RRP8: variants seen among roughly 807,000 people sequenced by gnomAD.
RRP8 encodes the protein ribosomal RNA-processing protein 8.
RRP8 carries 48 observed loss-of-function variants against 45.0 expected under a neutral mutation model. The ratio of observed to expected loss-of-function variants is 1.07; its 90% CI spans 0.85 to 1.36. The LOEUF is 1.36. RRP8 is among the 40% of genes most tolerant of loss of function. The pLI is 0.00. For missense variants in RRP8, 658 were observed against 573.7 expected, an observed-to-expected ratio of 1.15 and a Z score of -1.50; for synonymous variants, 274 against 212.4, an observed-to-expected ratio of 1.29 and a Z score of -2.52.
In RRP8 at chr11:6,600,158, G is replaced by A. The variant is rs764735573; in HGVS notation, c.1359C>T (p.Tyr453=). 1.3e-6 allele frequency: 2 copies of A among 1,593,608 alleles called. No homozygotes were observed. Among genetic ancestry groups the A allele is most frequent in the South Asian group, 2.3e-5 (2 of 88,186 alleles). ...LSGLQLQPCL[Y]KRR The stretch of plus-strand genomic sequence containing the variant: ...GAAGATCCAGAGGTCACCTGCGCTT[G>A]TAGAGACATGGCTGAAGCTGCAGGC... Residue 453 remains tyrosine (Y), a synonymous_variant, in exon 7 of 7, where the codon TAC becomes TAT. Coordinates refer to ENST00000254605, the MANE Select transcript of RRP8 (RefSeq NM_015324.4).
At position 6,597,506 on chromosome 11, in the gene RRP8, CA is replaced by C. The variant is rs1403741520; in HGVS notation, c.*2639del. On this transcript the variant is annotated 3_prime_UTR_variant, in exon 7 of 7. Transcript: ENST00000254605. The stretch of plus-strand genomic sequence containing the variant: ...CAAACAGGCCCTCCACATTACTCAG[CA>C]ATCCTTACCCCACTGCATTCTGAGT... 10 of 150,006 alleles carry C rather than the reference CA, an allele frequency of 6.7e-5. No homozygotes were observed. Among genetic ancestry groups the C allele is most frequent in the Admixed American group, 5.4e-4 (8 of 14,868 alleles). The allele number at this position is 150,006 out of a possible 1,614,324, so 9.3% of individuals were successfully genotyped here.
rs1407210501 is a variant in RRP8, at chr11:6,596,596, G to A, written c.*3550C>T. ...GACCACCAGTAAGGCAGTTACTGCA[G>A]GAGTTGGGTATCCTAAAACCAGATG... On this transcript the variant is annotated 3_prime_UTR_variant, in exon 7 of 7. Transcript: ENST00000254605. 6.6e-6 allele frequency: 1 copy of A among 152,210 alleles called. No individual in the cohort carries two copies. The highest frequency in any genetic ancestry group is 1.5e-5 in the Non-Finnish European group (1 of 68,042). The allele number at this position is 152,210 out of a possible 1,614,324, so 9.4% of individuals were successfully genotyped here.
intron 2 of RRP8, 109 bp from the exon 3 acceptor site, chr11:6,601,711 T>A: frequency 2.0e-6 from 3 of 1,480,670 alleles, no homozygotes; most frequent in Non-Finnish European, 2.7e-6. Context: ...GACTGTGGCC[T>A]GCAGAGAAGT....
At chr11:6,602,313 G>A (rs763235568) in intron 1 of RRP8, 98 bp from the exon 2 acceptor site, 2 of 1,362,322 alleles carry the variant, frequency 1.5e-6, no homozygotes, top group Non-Finnish European at 2.0e-6. Flanking sequence ...ACTGGCAGAA[G>A]CATCTGAATT....
chr11:6,600,904 G>C (rs1274796717), intron 4 of RRP8, 22 bp downstream of exon 4: 1 of 1,614,026 alleles, frequency 6.2e-7, no homozygotes, highest in South Asian at 1.1e-5. Context: ...TAGAGCACAA[G>C]CCAGATAACA....
At chr11:6,600,840 C>G (rs2134498304) in intron 4 of RRP8, 65 bp from the exon 5 acceptor site, 7 of 1,609,856 alleles carry the variant, frequency 4.3e-6, no homozygotes, top group African/African-American at 1.3e-5. Flanking sequence ...CACTGAGATA[C>G]CAGGATGGGA....
rs17834692 is a variant in RRP8, at chr11:6,600,988, G to A, written c.985C>T (p.Pro329Ser). The A allele has an allele frequency of 0.012, 19,491 of 1,614,160 alleles. 391 individuals are homozygous for A. Among genetic ancestry groups the A allele is most frequent in the South Asian group, 0.063 (5,749 of 91,080 alleles). The stretch of plus-strand genomic sequence containing the variant: ...GAAGCCAAGTCAAAGCAATGCACAG[G>A]GTTCCGGATACTTGAAGCCAAGCGG... ...DCRLASSIRN[P>S]VHCFDLASLD... The change falls in exon 4 of 7, where the codon CCT becomes TCT. Residue 329 changes from proline to serine, a missense_variant. Transcript: ENST00000254605.
rs774330329 is a variant in RRP8, at chr11:6,601,235, A to C, written c.831T>G (p.Phe277Leu). The change falls in exon 3 of 7, where the codon TTT (phenylalanine) becomes TTG (leucine). Residue 277 changes from phenylalanine (F) to leucine (L), a missense_variant. Transcript: ENST00000254605. ...TCTGGAAGCCGCGGTGGTAGAGAAG[A>C]AAAGCCTCAGGGTCTTCCTGGAAGA... ...QRLFQEDPEA[F>L]LLYHRGFQSQ... is the part of the protein sequence containing the mutation. 3 of 1,611,654 alleles carry C rather than the reference A, an allele frequency of 1.9e-6. No homozygotes were observed. The highest frequency in any genetic ancestry group is 1.3e-5 in the African/African-American group (1 of 75,022).
Position 6,599,098 on chromosome 11 carries a change from G to A in RRP8, c.*1048C>T, listed in dbSNP as rs952542630. ...CTACCCCTCCAAGGACAGAAGCTCA[G>A]AATCTATTAAAAGTCATTAAATAGC... On this transcript the variant is annotated 3_prime_UTR_variant, in exon 7 of 7. Transcript: ENST00000254605. 1.3e-5 allele frequency: 2 copies of A among 152,240 alleles called. No individual in the cohort carries two copies. The highest frequency in any genetic ancestry group is 2.9e-5 in the Non-Finnish European group (2 of 68,084). 9.4% of individuals were successfully genotyped at this position (152,240 alleles called of 1,614,324 possible). A position where few individuals can be genotyped will look rare whatever the true frequency, so the allele number is the denominator to read the frequency against.
chr11:6,596,556 G>A lies in RRP8; in HGVS notation c.*3590C>T, dbSNP rs948946185. On this transcript the variant is annotated 3_prime_UTR_variant, in exon 7 of 7. Transcript: ENST00000254605. ...GGAAAATTAATTGCTTTAGGGACAC[G>A]AGTAGAAGCAATTAGACCACCAGTA... 7 of 152,194 alleles carry A rather than the reference G, an allele frequency of 4.6e-5. No individual in the cohort carries two copies. Among genetic ancestry groups the A allele is most frequent in the African/African-American group, 1.4e-4 (6 of 41,440 alleles). The allele number at this position is 152,194 out of a possible 1,614,324, so 9.4% of individuals were successfully genotyped here. A position where few individuals can be genotyped will look rare whatever the true frequency, so the allele number is the denominator to read the frequency against.
chr11:6,601,524 T>C lies in RRP8; in HGVS notation c.542A>G (p.His181Arg). The change falls in exon 3 of 7, where the codon CAT becomes CGT. Residue 181 changes from histidine to arginine, a missense_variant. His to Arg is a conservative substitution (Grantham distance 29). Transcript: ENST00000254605. ...CCGCCACTGCTTGCGGCTTAATGTA[T>C]GAGGGGGTTTAGGGGAAGTGGACCC... is the stretch of plus-strand genomic sequence containing the variant. ...SPGSTSPKPP[H>R]TLSRKQWRNR... The C allele has an allele frequency of 6.2e-7, 1 of 1,610,730 alleles. No homozygotes were observed.
At position 6,601,965 on chromosome 11, in the gene RRP8, T is replaced by G; in HGVS notation, c.350A>C (p.His117Pro). The G allele has an allele frequency of 6.2e-7, 1 of 1,614,220 alleles. No homozygotes were observed. The highest frequency in any genetic ancestry group is 8.5e-7 in the Non-Finnish European group (1 of 1,180,038). The stretch of plus-strand genomic sequence containing the variant: ...GTCACTGCCAACAAGAGCCTGTTTG[T>G]GGCATTTCTTCTTCCTTTCTACTTC... ...EEEVERKKKCHKQALVGSDSA... is the reference protein window; with the variant it reads ...EEEVERKKKCPKQALVGSDSA... Residue 117 changes from histidine to proline, a missense_variant, in exon 2 of 7, where the codon CAC becomes CCC. Transcript: ENST00000254605.
rs763905213 is a variant in RRP8 at position 6,601,319 on chromosome 11, G to C, written c.747C>G (p.Ala249=). The C allele has an allele frequency of 6.2e-7, 1 of 1,613,800 alleles. No individual in the cohort carries two copies. The highest frequency in any genetic ancestry group is 2.2e-5 in the East Asian group (1 of 44,876). ...RARMAQRLDG[A]RFRYLNEQLY... ...ACTGTTCATTGAGGTAGCGAAATCG[G>C]GCCCCATCCAGCCGCTGTGCCATGC... Residue 249 remains alanine, a synonymous_variant, in exon 3 of 7, where the codon GCC becomes GCG. Coordinates refer to ENST00000254605, the MANE Select transcript of RRP8 (RefSeq NM_015324.4).
chr11:6,595,649 T>C lies in RRP8; in HGVS notation c.*4497A>G, dbSNP rs1854215622. On this transcript the variant is annotated 3_prime_UTR_variant, in exon 7 of 7. Coordinates refer to ENST00000254605, the MANE Select transcript of RRP8 (RefSeq NM_015324.4). ...ATCTCAACTTCCTATTGGGAGTACA[T>C]GTTTTCCCCTGATTTTAAACTCATG... 1.3e-5 allele frequency: 2 copies of C among 152,110 alleles called. No homozygotes were observed. The highest frequency in any genetic ancestry group is 2.4e-5 in the African/African-American group (1 of 41,404). The allele number at this position is 152,110 out of a possible 1,614,324, so 9.4% of individuals were successfully genotyped here. A position where few individuals can be genotyped will look rare whatever the true frequency, so the allele number is the denominator to read the frequency against.
intron 1 of RRP8, 142 bp downstream of exon 1, chr11:6,603,262 T>C (rs556992989): frequency 4.9e-6 from 3 of 606,446 alleles, no homozygotes; most frequent in East Asian, 6.6e-5. Flanking sequence ...CAGTTTCTTT[T>C]GGAAGTTCTC....
Position 6,601,375 on chromosome 11 carries a change from G to C in RRP8, c.691C>G (p.His231Asp), listed in dbSNP as rs1338223993. The change falls in exon 3 of 7, where the codon CAT becomes GAT. Residue 231 changes from histidine to aspartate, a missense_variant. His to Asp is a moderately conservative substitution (Grantham distance 81). Transcript: ENST00000254605. ...EVSPVPRTDS[H>D]EARAGALRAR... ...CGCAAAGCCCCTGCCCGAGCCTCATGGCTGTCTGTCCTGGGAACAGGAGAC... is the reference window on the plus strand; with the variant it reads ...CGCAAAGCCCCTGCCCGAGCCTCATCGCTGTCTGTCCTGGGAACAGGAGAC... 1.2e-6 allele frequency: 2 copies of C among 1,614,040 alleles called. No individual in the cohort carries two copies. The highest frequency in any genetic ancestry group is 2.7e-5 in the African/African-American group (2 of 75,054).
At position 6,598,535 on chromosome 11, in the gene RRP8, G is replaced by A. The variant is rs1357622568; in HGVS notation, c.*1611C>T. 1 of 152,252 alleles carries A rather than the reference G, an allele frequency of 6.6e-6. No homozygotes were observed. The highest frequency in any genetic ancestry group is 1.5e-5 in the Non-Finnish European group (1 of 68,048). The allele number at this position is 152,252 out of a possible 1,614,324, so 9.4% of individuals were successfully genotyped here. ...AAGCTGAAGTAGCACTCTTCACATA[G>A]TACTTTGAGAGTACAGATGAAGAAC... On this transcript the variant is annotated 3_prime_UTR_variant, in exon 7 of 7. Transcript: ENST00000254605.
At position 6,603,480 on chromosome 11, in the gene RRP8, G is replaced by A; in HGVS notation, c.23C>T (p.Ala8Val). MFEEPEW[A>V]EAAPVAAGLG... ...GCCCGCGGCTACTGGGGCCGCCTCG[G>A]CCCACTCAGGCTCTTCGAACATGAG... is the stretch of plus-strand genomic sequence containing the variant. The change falls in exon 1 of 7, where the codon GCC becomes GTC. Residue 8 changes from alanine (A) to valine (V), a missense_variant. Coordinates refer to ENST00000254605, the MANE Select transcript of RRP8 (RefSeq NM_015324.4). The A allele has an allele frequency of 6.3e-7, 1 of 1,594,620 alleles. No individual in the cohort carries two copies. The highest frequency in any genetic ancestry group is 8.5e-7 in the Non-Finnish European group (1 of 1,171,980).
chr11:6,602,258 A>T, intron 1 of RRP8, 43 bp from the exon 2 acceptor site: 1 of 1,509,950 alleles, frequency 6.6e-7, no homozygotes, highest in South Asian at 1.3e-5. Flanking sequence ...AAGAGAATGG[A>T]TGAGGCCTGG....
Sources: gnomAD v4.1 joint callset for allele counts on GRCh38, gnomAD v4.1.1 for gene constraint, MANE v1.5 for transcripts, NCBI Gene and HGNC (gene_info 2026-07-23, HGNC 2026-07-21) for gene names.